The following ZIC4 variants were observed in gnomAD, a reference collection of about 807,000 sequenced individuals.
ZIC4 encodes the protein Zic family zinc finger 4, also known as zinc finger protein ZIC 4.
Under a neutral mutation model 28.8 loss-of-function variants are expected in ZIC4, and 15 were observed. The ratio of observed to expected loss-of-function variants is 0.52; its 90% CI spans 0.35 to 0.80. The LOEUF is 0.80. Ranked by LOEUF, ZIC4 falls within the 30% of genes least tolerant of loss-of-function variation. The pLI, the probability that ZIC4 is intolerant of heterozygous loss-of-function variation, is 0.01. For missense variants in ZIC4, 512 were observed against 467.1 expected, an observed-to-expected ratio of 1.10 and a Z score of -0.89; for synonymous variants, 220 against 198.1, an observed-to-expected ratio of 1.11 and a Z score of -0.93.
intron 1 of ZIC4, chr3:147,403,770 T>G: frequency 3.8e-6 from 2 of 532,632 alleles, no homozygotes; most frequent in Non-Finnish European, 6.3e-6. Flanking sequence ...GTTGTTTAAC[T>G]TGTTGAACCA....
rs1240492814 is a variant in ZIC4, at chr3:147,391,064, A to T, written c.871T>A (p.Ser291Thr). 6.2e-7 allele frequency: 1 copy of T among 1,613,782 alleles called. No individual in the cohort carries two copies. The highest frequency in any genetic ancestry group is 8.5e-7 in the Non-Finnish European group (1 of 1,180,028). ...LRKHMKVHGRSPPPSSGYDSA... is the reference protein window; with the variant it reads ...LRKHMKVHGRTPPPSSGYDSA... ...TCGTAGCCAGAGCTGGGCGGCGGCG[A>T]GCGCCCGTGCACCTTCATGTGCTTA... The change falls in exon 4 of 5, where the codon TCG becomes ACG. Residue 291 changes from serine to threonine, a missense_variant. By Grantham distance (58) the Ser-to-Thr change is moderately conservative. Coordinates refer to ENST00000383075, the MANE Select transcript of ZIC4 (RefSeq NM_032153.6).
intron 1 of ZIC4, chr3:147,403,608 A>G: frequency 5.6e-6 from 1 of 178,574 alleles, no homozygotes; most frequent in Non-Finnish European, 1.2e-5. Flanking sequence ...CTGTCAGGCA[A>G]GGCTGAGGCA....
chr3:147,391,721 C>T (rs1159270766), intron 3 of ZIC4: 1 of 139,892 alleles, frequency 7.1e-6, no homozygotes, highest in Non-Finnish European at 1.5e-5. Flanking sequence ...CGTTCATCCC[C>T]CCCACCCACC....
At chr3:147,389,125 C>T (rs180696652) in intron 4 of ZIC4, 2 of 562,954 alleles carry the variant, frequency 3.6e-6, no homozygotes, top group Admixed American at 7.0e-5. Context: ...CTGGGTCAGG[C>T]AGCCTCTGGG....
chr3:147,388,809 G>C lies in ZIC4; in HGVS notation c.*50C>G. Reference sequence around the variant, plus strand: ...TTGATGTAGCAGGCGCGAGATGCGGGGCGCTCAGCTGCGCGGAGCGAGATT... The same window carrying C: ...TTGATGTAGCAGGCGCGAGATGCGGCGCGCTCAGCTGCGCGGAGCGAGATT... On this transcript the variant is annotated 3_prime_UTR_variant, in exon 5 of 5. Transcript: ENST00000383075. 2 of 771,268 alleles carry C rather than the reference G, an allele frequency of 2.6e-6. No individual in the cohort carries two copies. Among genetic ancestry groups the C allele is most frequent in the Non-Finnish European group, 4.8e-6 (2 of 415,260 alleles). 47.8% of individuals were successfully genotyped at this position (771,268 alleles called of 1,614,324 possible).
chr3:147,390,815 CAG>C, intron 4 of ZIC4, 114 bp downstream of exon 4: 1 of 1,300,974 alleles, frequency 7.7e-7, no homozygotes. Flanking sequence ...GCAGCAATCA[CAG>C]AGGCAGCCCT....
At chr3:147,403,958 A>T (rs1387210184) in intron 1 of ZIC4, 3 of 1,536,284 alleles carry the variant, frequency 2.0e-6, no homozygotes, top group Non-Finnish European at 1.7e-6. Flanking sequence ...AGGGGGGTAG[A>T]CTCACCTTTT....
rs533610752 is a variant in ZIC4 at position 147,395,833 on chromosome 3, G to A, written c.688+19C>T. The A allele has an allele frequency of 6.9e-5, 110 of 1,594,978 alleles. No individual in the cohort carries two copies. The Middle Eastern group carries it at 8.5e-4, about 12-fold the overall frequency. The stretch of plus-strand genomic sequence containing the variant: ...TTCCCCAGAGGGTCCGCACGCGACA[G>A]ACAGCGCCGAATACTGACCTGTGTG... On this transcript the variant is annotated intron_variant, in intron 3 of 4. Coordinates refer to ENST00000383075, the MANE Select transcript of ZIC4 (RefSeq NM_032153.6).
intron 1 of ZIC4, chr3:147,405,359 G>C (rs537234554): frequency 9.1e-6 from 14 of 1,532,092 alleles, no homozygotes; most frequent in East Asian, 7.3e-5. Context: ...GTCGGAAAGC[G>C]GGGAAAACAT....
intron 4 of ZIC4, 139 bp downstream of exon 4, chr3:147,390,792 G>A: frequency 8.7e-7 from 1 of 1,146,858 alleles, no homozygotes. Flanking sequence ...CTCTGCATTC[G>A]GTGTGTGCGG....
chr3:147,405,791 G>A, intron 1 of ZIC4: 1 of 423,346 alleles, frequency 2.4e-6, no homozygotes, highest in South Asian at 2.4e-5. Context: ...CTGCCGTCAG[G>A]TTGGGGCGGA....
At chr3:147,395,446 C>A (rs533713479) in intron 3 of ZIC4, among the ~76,000 whole-genome samples, 1 of 152,284 alleles carries the variant, frequency 6.6e-6, no homozygotes, top group Admixed American at 6.5e-5. Context: ...GCCAGGTTAT[C>A]AGGACTACAG....
intron 2 of ZIC4, 41 bp downstream of exon 2, chr3:147,402,687 G>T (rs1411119961): frequency 5.5e-6 from 8 of 1,464,064 alleles, no homozygotes; most frequent in Non-Finnish European, 6.5e-6. Flanking sequence ...AAGAAGAAAA[G>T]AAACCAGCAA....
At position 147,396,208 on chromosome 3, in the gene ZIC4, T is replaced by TG. The variant is rs1476675244; in HGVS notation, c.331dup (p.His111ProfsTer107). The TG allele has an allele frequency of 1.9e-6, 3 of 1,613,866 alleles. No homozygotes were observed. The highest frequency in any genetic ancestry group is 1.3e-5 in the African/African-American group (1 of 74,924). ...GTAGCGGAAGAAAGCGCCAGGACCG[T>TG]GGGGCGCAGCGAGGTTCACCGTCAG... is the stretch of plus-strand genomic sequence containing the variant. On this transcript the variant is annotated frameshift_variant, in exon 3 of 5. Transcript: ENST00000383075. LOFTEE classifies it high-confidence loss of function. The surrounding 1 kb of genome is among the most constrained non-coding windows in gnomAD (Gnocchi z 4.2).
rs2107975879 is a variant in ZIC4, at chr3:147,396,915, CGCCCCA to C, written c.71-452_71-447del. On this transcript the variant is annotated intron_variant, in intron 2 of 4. Transcript: ENST00000383075. The surrounding 1 kb of genome is among the most constrained non-coding windows in gnomAD (Gnocchi z 4.2). ...GTTGGAGGTGGTGGTGGTTCTGAAG[CGCCCCA>C]GCCATATATATTTTCAGTGCCCCGC... 1 of 156,456 alleles carries C rather than the reference CGCCCCA, an allele frequency of 6.4e-6. No homozygotes were observed. Among genetic ancestry groups the C allele is most frequent in the South Asian group, 2.1e-4 (1 of 4,868 alleles). The allele number at this position is 156,456 out of a possible 1,614,324, so 9.7% of individuals were successfully genotyped here.
intron 1 of ZIC4, chr3:147,403,962 AC>A: frequency 6.5e-7 from 1 of 1,536,152 alleles, no homozygotes; most frequent in Non-Finnish European, 8.7e-7. Flanking sequence ...GGGTAGACTC[AC>A]CTTTTCCCAG....
chr3:147,391,883 G>T, intron 3 of ZIC4: 1 of 826,512 alleles, frequency 1.2e-6, no homozygotes, highest in Non-Finnish European at 1.5e-6. Flanking sequence ...ATTCACTTCA[G>T]AAGAGATTTT....
At chr3:147,402,100 A>T (rs2087174316) in intron 2 of ZIC4, among the ~76,000 whole-genome samples, 1 of 152,180 alleles carries the variant, frequency 6.6e-6, no homozygotes, top group African/African-American at 2.4e-5. Flanking sequence ...GGAAAACTAG[A>T]CGCCTGGAAG....
rs2086814811 is a variant in ZIC4, at chr3:147,387,374, C to T, written c.*1485G>A. 1 of 152,602 alleles carries T rather than the reference C, an allele frequency of 6.6e-6. No homozygotes were observed. The highest frequency in any genetic ancestry group is 1.5e-5 in the Non-Finnish European group (1 of 68,040). The allele number at this position is 152,602 out of a possible 1,614,324, so 9.5% of individuals were successfully genotyped here. ...GTTTGACAGAGAGGAGAACAAATCG[C>T]TGACAAAGAACCTTTTACGTTTCAT... is the stretch of plus-strand genomic sequence containing the variant. On this transcript the variant is annotated 3_prime_UTR_variant, in exon 5 of 5. Transcript: ENST00000383075.
Sources: gnomAD v4.1 joint callset for allele counts (sites outside exome capture counted in the v4.1 genomes callset) on GRCh38, gnomAD v4.1.1 for gene constraint, Gnocchi (gnomAD v3.1) non-coding constraint, MANE v1.5 for transcripts, NCBI Gene and HGNC (gene_info 2026-07-23, HGNC 2026-07-21) for gene names.